Variants in PCDHGA2 observed in about 807,000 individuals in gnomAD.
The protein encoded by PCDHGA2 is protocadherin gamma subfamily A, 2.
PCDHGA2 carries 40 observed loss-of-function variants against 59.2 expected under a neutral mutation model. The ratio of observed to expected loss-of-function variants is 0.68; its 90% CI spans 0.52 to 0.88. The LOEUF (loss-of-function observed/expected upper bound fraction) is 0.88. Ranked by LOEUF, PCDHGA2 falls within the 40% of genes least tolerant of loss-of-function variation. The pLI is 0.00. For synonymous variants in PCDHGA2, 560 were observed against 526.0 expected (o/e 1.06, Z -0.89); for missense variants, 1,226 against 1,204.0 (o/e 1.02, Z -0.27).
intron 1 of PCDHGA2, chr5:141,478,602 T>C (rs2099466537): frequency 6.4e-7 from 1 of 1,563,560 alleles, no homozygotes; most frequent in Admixed American, 1.9e-5. Context: ...TCCTACATCA[T>C]ATTGAGGAAG....
rs764515941 is a variant in PCDHGA2, at chr5:141,338,812, G to T, written c.-160G>T. The T allele has an allele frequency of 5.1e-6, 7 of 1,378,984 alleles. No homozygotes were observed. The highest frequency in any genetic ancestry group is 6.5e-6 in the Non-Finnish European group (7 of 1,071,602). 85.4% of individuals were successfully genotyped at this position (1,378,984 alleles called of 1,614,324 possible). On this transcript the variant is annotated 5_prime_UTR_variant, in exon 1 of 4. Coordinates refer to ENST00000394576, the MANE Select transcript of PCDHGA2 (RefSeq NM_018915.4). ...AAGGGGGTGGAGGTTTGGCCCTAAAGCTTCAGGACACCAAAGAAATTCAGT... is the reference window on the plus strand; with the variant it reads ...AAGGGGGTGGAGGTTTGGCCCTAAATCTTCAGGACACCAAAGAAATTCAGT...
chr5:141,343,981 C>A lies in PCDHGA2; in HGVS notation c.2424+2586C>A, dbSNP rs766221087. ...TTTCTTGAGAAAATAAGATTGGAGT[C>A]CGTCGTAGGAAACTGGAACCGAATT... On this transcript the variant is annotated intron_variant, in intron 1 of 3. Transcript: ENST00000394576. 464 of 1,417,526 alleles carry A rather than the reference C, an allele frequency of 3.3e-4. 3 individuals carry two copies. The highest frequency in any genetic ancestry group is 1.8e-3 in the Middle Eastern group (9 of 5,134). The allele number at this position is 1,417,526 out of a possible 1,614,324, so 87.8% of individuals were successfully genotyped here. A position where few individuals can be genotyped will look rare whatever the true frequency, so the allele number is the denominator to read the frequency against.
chr5:141,350,955 C>T (rs1440968204), intron 1 of PCDHGA2: 1 of 1,614,070 alleles, frequency 6.2e-7, no homozygotes, highest in Non-Finnish European at 8.5e-7. Context: ...GTTACGGATG[C>T]CAATGATAAT....
In PCDHGA2 at chr5:141,491,789, T is replaced by G; in HGVS notation, c.2425-3018T>G. The G allele has an allele frequency of 6.6e-7, 1 of 1,525,854 alleles. No individual in the cohort carries two copies. Among genetic ancestry groups the G allele is most frequent in the Non-Finnish European group, 8.8e-7 (1 of 1,137,340 alleles). The allele number at this position is 1,525,854 out of a possible 1,614,324, so 94.5% of individuals were successfully genotyped here. ...CATAAGGGATTGAACTTGCATCCAC[T>G]CCTCTCCGGCCGGCTTGGTCGCTGG... On this transcript the variant is annotated intron_variant, in intron 1 of 3. Transcript: ENST00000394576. The surrounding 1 kb of genome is among the most constrained non-coding windows in gnomAD (Gnocchi z 6.9).
chr5:141,375,452 T>C (rs772369254), intron 1 of PCDHGA2: 2 of 1,613,876 alleles, frequency 1.2e-6, no homozygotes, highest in Non-Finnish European at 1.7e-6. Context: ...CCATTCATCC[T>C]ACTCAGTCTA....
At chr5:141,352,536 CAG>C (rs745565888) in intron 1 of PCDHGA2, 4 of 1,614,032 alleles carry the variant, frequency 2.5e-6, no homozygotes, top group South Asian at 2.2e-5. Context: ...TCTGCAAAGA[CAG>C]AGTTTAATTC....
At chr5:141,429,599 A>G (rs2097227286) in intron 1 of PCDHGA2, among the ~76,000 whole-genome samples, 1 of 152,238 alleles carries the variant, frequency 6.6e-6, no homozygotes, top group Non-Finnish European at 1.5e-5. Flanking sequence ...TAATTCAAGT[A>G]AACTCAATTT....
chr5:141,415,443 C>T, intron 1 of PCDHGA2: 1 of 1,614,196 alleles, frequency 6.2e-7, no homozygotes, highest in Non-Finnish European at 8.5e-7. Context: ...TCCTGCAGAC[C>T]TATTCCCACG....
chr5:141,431,408 G>A lies in PCDHGA2; in HGVS notation c.2425-63399G>A. ...CCACCTGGTCCTTACGGCCTCCGAC[G>A]GGGGCGACCCGGTGCGCACAGGCAC... On this transcript the variant is annotated intron_variant, in intron 1 of 3. Transcript: ENST00000394576. The surrounding 1 kb of genome is among the most constrained non-coding windows in gnomAD (Gnocchi z 4.8). 6.2e-7 allele frequency: 1 copy of A among 1,613,718 alleles called. No individual in the cohort carries two copies. The highest frequency in any genetic ancestry group is 2.2e-5 in the East Asian group (1 of 44,882).
In PCDHGA2 at chr5:141,385,336, C is replaced by T. The variant is rs866774654; in HGVS notation, c.2424+43941C>T. 2.5e-6 allele frequency: 4 copies of T among 1,579,494 alleles called. No homozygotes were observed. In the African/African-American group the frequency reaches 5.4e-5, roughly 22 times the overall value. ...GCCAAGTATTCAGGTGAGCCCAGCC[C>T]TTCCTTTATTTCCATGAGGAATTTA... On this transcript the variant is annotated intron_variant, in intron 1 of 3. Coordinates refer to ENST00000394576, the MANE Select transcript of PCDHGA2 (RefSeq NM_018915.4).
chr5:141,351,430 A>T, intron 1 of PCDHGA2: 1 of 1,612,126 alleles, frequency 6.2e-7, no homozygotes, highest in East Asian at 2.2e-5. Context: ...CTTTCAAATT[A>T]GAATCCACCT....
rs150053247 is a variant in PCDHGA2 at position 141,346,855 on chromosome 5, T to C, written c.2424+5460T>C. Among the ~76,000 whole-genome samples, 41 of 152,352 alleles carry C rather than the reference T, an allele frequency of 2.7e-4. No homozygotes were observed. The East Asian group carries it at 5.2e-3, about 19-fold the overall frequency. ...AGGCCTTTTTCATTTTAAATCCCTG[T>C]GCTTTGGAGTTTGTCATTCCAACCT... is the stretch of plus-strand genomic sequence containing the variant. On this transcript the variant is annotated intron_variant, in intron 1 of 3. Coordinates refer to ENST00000394576, the MANE Select transcript of PCDHGA2 (RefSeq NM_018915.4).
intron 1 of PCDHGA2, chr5:141,395,091 A>ACCG (rs771313907): frequency 6.2e-7 from 1 of 1,614,118 alleles, no homozygotes; most frequent in South Asian, 1.1e-5. Context: ...AGTCTCCCTC[A>ACCG]CCGCCGACTC....
rs764538527 is a variant in PCDHGA2 at position 141,361,272 on chromosome 5, T to A, written c.2424+19877T>A. 6 of 1,613,890 alleles carry A rather than the reference T, an allele frequency of 3.7e-6. No individual in the cohort carries two copies. In the South Asian group the frequency reaches 6.6e-5, roughly 18 times the overall value. On this transcript the variant is annotated intron_variant, in intron 1 of 3. Transcript: ENST00000394576. ...CGAGAGACAGAGACTCTGGAGAAAA[T>A]GGAGAAGTTTACTGCCAAGTGTTGG...
rs2099884060 is a variant in PCDHGA2 at position 141,512,057 on chromosome 5, A to T, written c.*884A>T. 1 of 152,768 alleles carries T rather than the reference A, an allele frequency of 6.5e-6. No individual in the cohort carries two copies. Among genetic ancestry groups the T allele is most frequent in the South Asian group, 2.1e-4 (1 of 4,832 alleles). 9.5% of individuals were successfully genotyped at this position (152,768 alleles called of 1,614,324 possible). ...GGCTCTGTATGTCCTCAGGGGACTG[A>T]CAACATCCTCCAGATTCCAGCCATA... is the stretch of plus-strand genomic sequence containing the variant. On this transcript the variant is annotated 3_prime_UTR_variant, in exon 4 of 4. Coordinates refer to ENST00000394576, the MANE Select transcript of PCDHGA2 (RefSeq NM_018915.4).
chr5:141,362,584 T>A (rs781004756), intron 1 of PCDHGA2: 17 of 1,598,970 alleles, frequency 1.1e-5, no homozygotes, highest in Non-Finnish European at 1.4e-5. Context: ...TATTTTCACT[T>A]CTGGTTTTAT....
At chr5:141,361,447 G>T (rs942275534) in intron 1 of PCDHGA2, 3 of 1,613,998 alleles carry the variant, frequency 1.9e-6, no homozygotes, top group African/African-American at 2.7e-5. Flanking sequence ...CAGCATAATT[G>T]TCACCCTGCA....
At chr5:141,354,578 T>C (rs1206175122) in intron 1 of PCDHGA2, among the ~76,000 whole-genome samples, 1 of 152,230 alleles carries the variant, frequency 6.6e-6, no homozygotes, top group African/African-American at 2.4e-5. Flanking sequence ...ACTGCATAAA[T>C]TGGGACTAAA....
chr5:141,383,004 G>A, intron 1 of PCDHGA2: 1 of 1,613,698 alleles, frequency 6.2e-7, no homozygotes, highest in Non-Finnish European at 8.5e-7. Flanking sequence ...TCTACTCCGT[G>A]TCGGAGGAGA....
Sources: allele counts gnomAD v4.1 joint callset (sites outside exome capture counted in the v4.1 genomes callset), GRCh38; gene constraint gnomAD v4.1.1; non-coding constraint Gnocchi (gnomAD v3.1); transcripts MANE v1.5; gene names NCBI Gene and HGNC (gene_info 2026-07-23, HGNC 2026-07-21).